Variants in HSF2 observed in about 807,000 individuals in gnomAD.
HSF2 encodes heat shock transcription factor 2, also known as heat shock factor protein 2.
A neutral mutation model predicts 65.0 loss-of-function variants in HSF2; 21 were observed. The observed-to-expected ratio is 0.32, with a 90% CI of 0.23 to 0.47. The LOEUF (loss-of-function observed/expected upper bound fraction) is 0.47, where lower values mean the gene tolerates loss of function less well. Among genes scored for constraint, HSF2 ranks in the 20% least tolerant of loss-of-function variants. The pLI, the probability that HSF2 is intolerant of heterozygous loss-of-function variation, is 1.00. For synonymous variants in HSF2, 225 were observed against 219.1 expected (o/e 1.03, Z -0.24); for missense variants, 499 against 628.1 (o/e 0.79, Z 2.20).
rs76577538 is a variant in HSF2, at chr6:122,408,482, G to T, written c.94-3891G>T. ...TTTTGTTGATTTATGTTTGCTATTA[G>T]GCCTTGTGGATCTTTGTTCATTTTC... is the stretch of plus-strand genomic sequence containing the variant. On this transcript the variant is annotated intron_variant, in intron 1 of 12. Transcript: ENST00000368455. 9.0e-4 allele frequency among the ~76,000 whole-genome samples: 137 copies of T among 152,036 alleles called. 2 individuals are homozygous for T. The East Asian group carries it at 0.025, about 27-fold the overall frequency.
chr6:122,428,304 T>C (rs887963797), intron 11 of HSF2, among the ~76,000 whole-genome samples: 30 of 152,020 alleles, frequency 2.0e-4, no homozygotes, highest in Non-Finnish European at 1.5e-4. Context: ...TATTCTCAAC[T>C]TTTTTATTAA....
intron 1 of HSF2, among the ~76,000 whole-genome samples, 161 bp from the exon 2 acceptor site, chr6:122,412,212 C>A (rs1288384939): frequency 6.6e-6 from 1 of 151,898 alleles, no homozygotes; most frequent in African/African-American, 2.4e-5. Context: ...TGCTTAATTG[C>A]AATTTTGTTT....
chr6:122,414,607 C>G (rs1774080632), intron 4 of HSF2, among the ~76,000 whole-genome samples: 1 of 151,830 alleles, frequency 6.6e-6, no homozygotes. Context: ...TTAGAGGGAA[C>G]TTTCTTCTCC....
chr6:122,414,791 A>G (rs1014275424), intron 4 of HSF2, among the ~76,000 whole-genome samples: 3 of 152,002 alleles, frequency 2.0e-5, no homozygotes, highest in Non-Finnish European at 4.4e-5. Flanking sequence ...TAATTTTTGT[A>G]TTTTTAGTAG....
intron 1 of HSF2, among the ~76,000 whole-genome samples, chr6:122,409,513 A>G (rs895229660): frequency 1.3e-5 from 2 of 152,036 alleles, no homozygotes; most frequent in African/African-American, 2.4e-5. Flanking sequence ...AAGAAGGTAT[A>G]AGAGGGAAAG....
At chr6:122,412,821 A>G in intron 3 of HSF2, 57 bp downstream of exon 3, 1 of 1,524,362 alleles carries the variant, frequency 6.6e-7, no homozygotes. Context: ...TGCTTGGCCA[A>G]GATTTTTATT....
intron 11 of HSF2, among the ~76,000 whole-genome samples, chr6:122,429,220 G>T (rs868241863): frequency 1.3e-5 from 2 of 151,982 alleles, no homozygotes; most frequent in African/African-American, 4.8e-5. Context: ...CATTTAAGTT[G>T]AATGGACCCA....
chr6:122,400,327 A>G (rs1023867694), intron 1 of HSF2, among the ~76,000 whole-genome samples: 9 of 152,214 alleles, frequency 5.9e-5, no homozygotes, highest in Non-Finnish European at 8.8e-5. Flanking sequence ...ATTGCTTTGC[A>G]TCTGGCATCT....
intron 1 of HSF2, among the ~76,000 whole-genome samples, chr6:122,402,708 A>G (rs534657694): frequency 6.3e-4 from 96 of 152,020 alleles, no homozygotes; most frequent in Non-Finnish European, 9.6e-4. Flanking sequence ...GCGCACCACC[A>G]TGCCTGGCTA....
chr6:122,400,545 A>AG (rs35438383), intron 1 of HSF2, among the ~76,000 whole-genome samples: 1 of 152,320 alleles, frequency 6.6e-6, no homozygotes, highest in Non-Finnish European at 1.5e-5. Flanking sequence ...TTACCAGCAG[A>AG]GGGGCATATC....
chr6:122,417,404 T>C (rs942923852), intron 5 of HSF2, among the ~76,000 whole-genome samples: 3 of 150,946 alleles, frequency 2.0e-5, no homozygotes, highest in Non-Finnish European at 4.4e-5. Context: ...GATTTTTTTT[T>C]TCCTGAAAGC....
At chr6:122,430,913 C>T (rs909565817) in intron 11 of HSF2, among the ~76,000 whole-genome samples, 2 of 152,108 alleles carry the variant, frequency 1.3e-5, no homozygotes, top group Non-Finnish European at 2.9e-5. Flanking sequence ...AGAAACACCA[C>T]CTCAACTTTG....
At chr6:122,431,398 C>A in intron 11 of HSF2, 32 bp from the exon 12 acceptor site, 3 of 1,007,918 alleles carry the variant, frequency 3.0e-6, no homozygotes, top group Non-Finnish European at 4.1e-6. Flanking sequence ...AAATATGAAA[C>A]AAGTACTTAT....
rs1223868580 is a variant in HSF2 at position 122,427,394 on chromosome 6, T to A, written c.1177-509T>A. On this transcript the variant is annotated intron_variant, in intron 10 of 12. Transcript: ENST00000368455. Reference sequence around the variant, plus strand: ...AGCACTTAAAATTTTCCTTGCGAGGTGTGGTGAAAAGAACCAACAAGTAGA... The same window carrying A: ...AGCACTTAAAATTTTCCTTGCGAGGAGTGGTGAAAAGAACCAACAAGTAGA... 2.0e-5 allele frequency among the ~76,000 whole-genome samples: 3 copies of A among 151,914 alleles called. 1 individual carries two copies. Among genetic ancestry groups the A allele is most frequent in the Non-Finnish European group, 4.4e-5 (3 of 67,940 alleles).
At chr6:122,423,084 G>A in intron 9 of HSF2, 127 bp downstream of exon 9, 1 of 1,033,438 alleles carries the variant, frequency 9.7e-7, no homozygotes, top group East Asian at 2.4e-5. Flanking sequence ...CTCTGTTTTG[G>A]TCAGTGTTGA....
chr6:122,420,345 G>T, intron 7 of HSF2, 123 bp downstream of exon 7: 1 of 626,118 alleles, frequency 1.6e-6, no homozygotes. Context: ...CCACAGCTTT[G>T]TTAAATTGTG....
chr6:122,408,153 G>A (rs1272732412), intron 1 of HSF2, among the ~76,000 whole-genome samples: 1 of 152,094 alleles, frequency 6.6e-6, no homozygotes, highest in Non-Finnish European at 1.5e-5. Flanking sequence ...CAAACATTCA[G>A]TGGTTTTGTT....
In HSF2 at chr6:122,412,025, A is replaced by C. The variant is rs6924277; in HGVS notation, c.94-348A>C. Among the ~76,000 whole-genome samples the C allele has an allele frequency of 3.0e-3, 450 of 151,842 alleles. 2 individuals carry two copies. Among genetic ancestry groups the C allele is most frequent in the African/African-American group, 0.011 (438 of 41,494 alleles). ...AATCTTTTTTTTTTATTTTGGTCTT[A>C]ATTGCACTAGTTTTAAAACAATGTT... is the stretch of plus-strand genomic sequence containing the variant. On this transcript the variant is annotated intron_variant, in intron 1 of 12. Coordinates refer to ENST00000368455, the MANE Select transcript of HSF2 (RefSeq NM_004506.4).
Position 122,432,599 on chromosome 6 carries a change from G to T in HSF2, c.*379G>T. The T allele has an allele frequency of 6.1e-6, 1 of 164,046 alleles. No homozygotes were observed. The highest frequency in any genetic ancestry group is 1.3e-5 in the Non-Finnish European group (1 of 75,656). The allele number at this position is 164,046 out of a possible 1,614,324, so 10.2% of individuals were successfully genotyped here. The stretch of plus-strand genomic sequence containing the variant: ...TTGAGTGTAAGTCATTTGAACTAAT[G>T]GTATAACTCCTAAAGCTTTCTCTGC... On this transcript the variant is annotated 3_prime_UTR_variant, in exon 13 of 13. Transcript: ENST00000368455.
Sources: allele counts gnomAD v4.1 joint callset (sites outside exome capture counted in the v4.1 genomes callset), GRCh38; gene constraint gnomAD v4.1.1; transcripts MANE v1.5; gene names NCBI Gene and HGNC (gene_info 2026-07-23, HGNC 2026-07-21).